The following TRPM2 variants were observed in gnomAD, a reference collection of about 807,000 sequenced individuals.
TRPM2 encodes transient receptor potential cation channel subfamily M member 2.
In TRPM2, 161 loss-of-function variants were observed where a neutral mutation model predicts 174.0. The observed-to-expected ratio is 0.93, with a 90% CI of 0.81 to 1.05. The LOEUF (loss-of-function observed/expected upper bound fraction) is 1.05. TRPM2 is among the 50% of genes least tolerant of loss of function. The pLI, the probability that TRPM2 is intolerant of heterozygous loss-of-function variation, is 0.00. For synonymous variants in TRPM2, 954 were observed against 861.3 expected (o/e 1.11, Z -1.88); for missense variants, 2,057 against 2,038.0 (o/e 1.01, Z -0.18).
At chr21:44,437,647 T>C (rs2051330557) in intron 29 of TRPM2, among the ~76,000 whole-genome samples, 1 of 152,106 alleles carries the variant, frequency 6.6e-6, no homozygotes, top group African/African-American at 2.4e-5. Flanking sequence ...CCCAGGGTTG[T>C]GCACAGGCCC....
intron 7 of TRPM2, among the ~76,000 whole-genome samples, chr21:44,378,441 T>C (rs1176131285): frequency 6.6e-6 from 1 of 152,218 alleles, no homozygotes; most frequent in African/African-American, 2.4e-5. Context: ...GGCTTGAGGC[T>C]GGATGGGAAT....
At chr21:44,397,245 G>T (rs1457782396) in intron 12 of TRPM2, among the ~76,000 whole-genome samples, 1 of 152,036 alleles carries the variant, frequency 6.6e-6, no homozygotes, top group Non-Finnish European at 1.5e-5. Context: ...CACCATATTG[G>T]CCAGGCTGGT....
chr21:44,406,931 C>T (rs1385583562), intron 19 of TRPM2, among the ~76,000 whole-genome samples, 166 bp downstream of exon 19: 1 of 150,492 alleles, frequency 6.6e-6, no homozygotes, highest in African/African-American at 2.4e-5. Flanking sequence ...GCTCCTGTGG[C>T]AGGAAGTAGA....
upstream of TRPM2, among the ~76,000 whole-genome samples, chr21:44,351,866 A>C (rs1041702641): frequency 7.9e-5 from 12 of 152,334 alleles, no homozygotes; most frequent in South Asian, 2.3e-3. Context: ...AGGAACCTGC[A>C]CAAGACCCCA....
In TRPM2 at chr21:44,397,820, C is replaced by T. The variant is rs369352270; in HGVS notation, c.2006C>T (p.Thr669Met). Residue 669 changes from threonine to methionine, a missense_variant, in exon 13 of 32, where the codon ACG (threonine) becomes ATG (methionine). By Grantham distance (81) the Thr-to-Met change is moderately conservative. Coordinates refer to ENST00000397928, the MANE Select transcript of TRPM2 (RefSeq NM_003307.4). Reference protein sequence around the residue: ...LKELSKEEEDTDSSEEMLALA... With the variant: ...LKELSKEEEDMDSSEEMLALA... ...GAACTGTCCAAGGAGGAGGAGGACA[C>T]GGACAGCTCGGAGGAGATGCTGGCG... 5.2e-5 allele frequency: 84 copies of T among 1,607,656 alleles called. No individual in the cohort carries two copies. Among genetic ancestry groups the T allele is most frequent in the African/African-American group, 1.7e-4 (13 of 74,784 alleles).
intron 20 of TRPM2, chr21:44,416,343 T>A (rs1282898066): frequency 6.6e-6 from 1 of 152,314 alleles, no homozygotes; most frequent in African/African-American, 2.4e-5. Context: ...GCCAGGACTG[T>A]CATCTCGAGG....
intron 16 of TRPM2, among the ~76,000 whole-genome samples, chr21:44,402,250 G>A (rs937050153): frequency 4.6e-5 from 7 of 152,162 alleles, no homozygotes; most frequent in Non-Finnish European, 7.3e-5. Flanking sequence ...CCCCTCTCAC[G>A]TTCAATAACG....
chr21:44,399,530 A>T lies in TRPM2; in HGVS notation c.2208+89A>T. On this transcript the variant is annotated intron_variant, in intron 14 of 31. Coordinates refer to ENST00000397928, the MANE Select transcript of TRPM2 (RefSeq NM_003307.4). This position sits in a 1 kb window ranked among gnomAD's most constrained non-coding sequence, Gnocchi z 4.6. ...TCCTGTTCGTGCAGTTGGCACGCAC[A>T]CTCACACAGGCTTCAGGGCCCTCAG... 1.9e-5 allele frequency: 28 copies of T among 1,497,444 alleles called. No homozygotes were observed. The highest frequency in any genetic ancestry group is 2.5e-5 in the Non-Finnish European group (28 of 1,121,182). The allele number at this position is 1,497,444 out of a possible 1,614,324, so 92.8% of individuals were successfully genotyped here. A position where few individuals can be genotyped will look rare whatever the true frequency, so the allele number is the denominator to read the frequency against.
chr21:44,386,878 T>C (rs769973376), intron 9 of TRPM2, among the ~76,000 whole-genome samples: 11 of 151,890 alleles, frequency 7.2e-5, no homozygotes, highest in Admixed American at 2.0e-4. Flanking sequence ...ATCAAAACAG[T>C]GTGGTAATGG....
chr21:44,350,417 G>T, upstream of TRPM2: 1 of 151,380 alleles, frequency 6.6e-6, no homozygotes, highest in South Asian at 1.8e-4. Flanking sequence ...GCGGGGTGCG[G>T]GGACCGAGGC....
In TRPM2 at chr21:44,439,854, A is replaced by G. The variant is rs374014320; in HGVS notation, c.4269+686A>G. On this transcript the variant is annotated intron_variant, in intron 30 of 31. Transcript: ENST00000397928. This position sits in a 1 kb window ranked among gnomAD's most constrained non-coding sequence, Gnocchi z 5.1. ...CTCTTGCCTTGGCCTCCCAGGCAGC[A>G]GGGGCTGCAGCGGTGAGACACCACA... 4.6e-5 allele frequency among the ~76,000 whole-genome samples: 7 copies of G among 152,172 alleles called. 1 individual carries two copies. Among genetic ancestry groups the G allele is most frequent in the East Asian group, 2.0e-4 (1 of 5,128 alleles).
intron 8 of TRPM2, among the ~76,000 whole-genome samples, chr21:44,381,862 G>C (rs1225694255): frequency 6.6e-6 from 1 of 151,084 alleles, no homozygotes; most frequent in Admixed American, 6.6e-5. Flanking sequence ...ACCCAAGATC[G>C]TGCCACTGCA....
chr21:44,406,087 G>A lies in TRPM2; in HGVS notation c.2790+50G>A, dbSNP rs2049864022. The A allele has an allele frequency of 3.1e-6, 5 of 1,593,724 alleles. No individual in the cohort carries two copies. In the South Asian group the frequency reaches 3.3e-5, roughly 11 times the overall value. ...CATCGCGGCCTGCAGCCCAGGGTGGGCCTCGGGGAGGGCAGGCCCCTTGCC... is the reference window on the plus strand; with the variant it reads ...CATCGCGGCCTGCAGCCCAGGGTGGACCTCGGGGAGGGCAGGCCCCTTGCC... On this transcript the variant is annotated intron_variant, in intron 18 of 31. Coordinates refer to ENST00000397928, the MANE Select transcript of TRPM2 (RefSeq NM_003307.4).
intron 5 of TRPM2, 24 bp from the exon 6 acceptor site, chr21:44,375,809 T>A (rs774362171): frequency 3.1e-6 from 5 of 1,598,428 alleles, no homozygotes; most frequent in Non-Finnish European, 4.3e-6. Flanking sequence ...AGAAGCAGTG[T>A]CTGACGCTTC....
At position 44,425,806 on chromosome 21, in the gene TRPM2, C is replaced by T. The variant is rs2050747078; in HGVS notation, c.3774C>T (p.Pro1258=). 3 of 1,578,550 alleles carry T rather than the reference C, an allele frequency of 1.9e-6. No homozygotes were observed. The highest frequency in any genetic ancestry group is 1.3e-5 in the African/African-American group (1 of 74,166). Residue 1258 remains proline (P), a synonymous_variant, in exon 25 of 32, where the codon CCC becomes CCT. Coordinates refer to ENST00000397928, the MANE Select transcript of TRPM2 (RefSeq NM_003307.4). The stretch of plus-strand genomic sequence containing the variant: ...GCCCTGTCACGCGCTTCCCCGTGCC[C>T]AACGAGAAGGTGCCCTGGGAGGTGA... ...PNCPVTRFPV[P]NEKVPWETEF...
intron 28 of TRPM2, among the ~76,000 whole-genome samples, chr21:44,435,807 C>T (rs868288628): frequency 5.1e-5 from 7 of 136,306 alleles, no homozygotes; most frequent in Admixed American, 2.2e-4. Flanking sequence ...CAGACTCACT[C>T]TCCACACCCA....
At chr21:44,374,691 C>T (rs1027482735) in intron 5 of TRPM2, among the ~76,000 whole-genome samples, 17 of 152,142 alleles carry the variant, frequency 1.1e-4, no homozygotes, top group Non-Finnish European at 1.6e-4. Context: ...AATCTAATGC[C>T]GCGGATCTGA....
intron 2 of TRPM2, among the ~76,000 whole-genome samples, chr21:44,358,411 T>A (rs2838553): frequency 0.25 from 38,537 of 151,966 alleles, 5,419 homozygotes; most frequent in African/African-American, 0.39. Context: ...GAGCCCAGGT[T>A]GGAGAGAATA....
chr21:44,418,218 G>C (rs1403150067), intron 21 of TRPM2, 110 bp downstream of exon 21: 1 of 1,443,784 alleles, frequency 6.9e-7, no homozygotes, highest in African/African-American at 1.4e-5. Flanking sequence ...CAGGCGTGCA[G>C]GTCACTCAGG....
Sources: allele counts gnomAD v4.1 joint callset (sites outside exome capture counted in the v4.1 genomes callset), GRCh38; gene constraint gnomAD v4.1.1; non-coding constraint Gnocchi (gnomAD v3.1); transcripts MANE v1.5; gene names NCBI Gene and HGNC (gene_info 2026-07-23, HGNC 2026-07-21).